The following NUDT14 variants were observed in gnomAD, a reference collection of about 807,000 sequenced individuals.
The protein encoded by NUDT14 is nudix hydrolase 14.
In NUDT14, 22 loss-of-function variants were observed where a neutral mutation model predicts 17.5. That is an observed-to-expected ratio of 1.26 (90% CI 0.90 to 1.80). The LOEUF is 1.80. Ranked by LOEUF, NUDT14 falls within the 40% of genes most tolerant of loss-of-function variation. The pLI, the probability that NUDT14 is intolerant of heterozygous loss-of-function variation, is 0.00. For synonymous variants in NUDT14, 129 were observed against 125.8 expected (o/e 1.03, Z -0.17); for missense variants, 296 against 295.6 (o/e 1.00, Z -0.01).
chr14:105,179,986 G>GA (rs1889292719), intron 1 of NUDT14, among the ~76,000 whole-genome samples: 1 of 152,336 alleles, frequency 6.6e-6, no homozygotes, highest in East Asian at 1.9e-4. Flanking sequence ...AGGCTGGGGG[G>GA]CTGGACTGAC....
rs373807400 is a variant in NUDT14 at position 105,173,848 on chromosome 14, C to T, written c.429-587G>A. On this transcript the variant is annotated intron_variant, in intron 4 of 4. Transcript: ENST00000392568. This position sits in a 1 kb window ranked among gnomAD's most constrained non-coding sequence, Gnocchi z 4.7. ...CCCCACCCCTGTCTGCAGCCCCCAA[C>T]CAGATACCCTGAGGCTGTTCCCAGT... is the stretch of plus-strand genomic sequence containing the variant. 1.3e-5 allele frequency among the ~76,000 whole-genome samples: 2 copies of T among 151,842 alleles called. No individual in the cohort carries two copies. Among genetic ancestry groups the T allele is most frequent in the East Asian group, 3.9e-4 (2 of 5,084 alleles).
chr14:105,173,404 C>T lies in NUDT14; in HGVS notation c.429-143G>A. The T allele has an allele frequency of 1.0e-6, 1 of 968,610 alleles. No individual in the cohort carries two copies. The highest frequency in any genetic ancestry group is 1.4e-6 in the Non-Finnish European group (1 of 722,142). The allele number at this position is 968,610 out of a possible 1,614,324, so 60.0% of individuals were successfully genotyped here. Reference sequence around the variant, plus strand: ...AGGACTCTGGGATGCCCTCTCCCACCCGGATTCCCACCTGGTGTGCACGCC... The same window carrying T: ...AGGACTCTGGGATGCCCTCTCCCACTCGGATTCCCACCTGGTGTGCACGCC... On this transcript the variant is annotated intron_variant, in intron 4 of 4. Transcript: ENST00000392568. The surrounding 1 kb of genome is among the most constrained non-coding windows in gnomAD (Gnocchi z 4.7).
chr14:105,180,856 G>T (rs1242121969), intron 1 of NUDT14, among the ~76,000 whole-genome samples: 1 of 152,184 alleles, frequency 6.6e-6, no homozygotes, highest in Non-Finnish European at 1.5e-5. Context: ...GTCGGATTGG[G>T]CGGGCGGGAA....
chr14:105,179,165 C>A (rs770885731), intron 1 of NUDT14, among the ~76,000 whole-genome samples: 7 of 152,174 alleles, frequency 4.6e-5, no homozygotes, highest in Non-Finnish European at 5.9e-5. Flanking sequence ...CGTGTCAGAC[C>A]CTTAGGTCCA....
chr14:105,181,098 G>C lies in NUDT14; in HGVS notation c.81+31C>G. On this transcript the variant is annotated intron_variant, in intron 1 of 4. Transcript: ENST00000392568. The surrounding 1 kb of genome is among the most constrained non-coding windows in gnomAD (Gnocchi z 5.0). Reference sequence around the variant, plus strand: ...GGGTCGTGGGCCGGGCCGCCGGCGGGGGCGCGGGGGACGCGGGGGCGCGGG... The same window carrying C: ...GGGTCGTGGGCCGGGCCGCCGGCGGCGGCGCGGGGGACGCGGGGGCGCGGG... The C allele has an allele frequency of 1.2e-6, 1 of 836,056 alleles. No individual in the cohort carries two copies. The highest frequency in any genetic ancestry group is 1.5e-6 in the Non-Finnish European group (1 of 679,228). 51.8% of individuals were successfully genotyped at this position (836,056 alleles called of 1,614,324 possible).
intron 4 of NUDT14, 38 bp downstream of exon 4, chr14:105,176,496 G>A: frequency 6.6e-7 from 1 of 1,515,348 alleles, no homozygotes; most frequent in Non-Finnish European, 9.2e-7. Flanking sequence ...CCCATCTCCT[G>A]AGTCACACCA....
intron 2 of NUDT14, 34 bp downstream of exon 2, chr14:105,177,658 C>A (rs1226163709): frequency 6.2e-7 from 1 of 1,607,068 alleles, no homozygotes; most frequent in African/African-American, 1.3e-5. Context: ...CAGTCTGGGG[C>A]TTCCCCAGTG....
chr14:105,177,374 C>G (rs910430693), intron 2 of NUDT14: 1 of 547,420 alleles, frequency 1.8e-6, no homozygotes, highest in African/African-American at 1.9e-5. Context: ...CAGCCACACT[C>G]CTCGAGCCAC....
chr14:105,178,248 C>T (rs1889258474), intron 1 of NUDT14, among the ~76,000 whole-genome samples: 1 of 152,030 alleles, frequency 6.6e-6, no homozygotes, highest in African/African-American at 2.4e-5. Flanking sequence ...GCAGGAGGGG[C>T]TGGCACCAGG....
chr14:105,176,707 C>A lies in NUDT14; in HGVS notation c.255G>T (p.Gly85=), dbSNP rs757778762. 9 of 1,612,768 alleles carry A rather than the reference C, an allele frequency of 5.6e-6. 1 individual carries two copies. The African/African-American group carries it at 1.1e-4, about 19-fold the overall frequency. The change falls in exon 4 of 5, where the codon GGG becomes GGT. Residue 85 remains glycine, a synonymous_variant. Coordinates refer to ENST00000392568, the MANE Select transcript of NUDT14 (RefSeq NM_177533.5). ...PGSLAAVDQD[G]PRELQPALPG... is the part of the protein sequence containing the mutation. The stretch of plus-strand genomic sequence containing the variant: ...GCAGGGCTGGCTGTAGCTCCCGAGG[C>A]CCGTCCTGGTCTACAGCTGCTAGGG...
rs1889145674 is a variant in NUDT14 at position 105,173,368 on chromosome 14, C to G, written c.429-107G>C. 1 of 1,273,478 alleles carries G rather than the reference C, an allele frequency of 7.9e-7. No individual in the cohort carries two copies. Among genetic ancestry groups the G allele is most frequent in the Admixed American group, 3.6e-5 (1 of 27,732 alleles). The allele number at this position is 1,273,478 out of a possible 1,614,324, so 78.9% of individuals were successfully genotyped here. On this transcript the variant is annotated intron_variant, in intron 4 of 4. Transcript: ENST00000392568. The surrounding 1 kb of genome is among the most constrained non-coding windows in gnomAD (Gnocchi z 4.7). ...CCTCTCCACTCTGCTCCCTCCAGCCCTCCAGTAGGCAGGACTCTGGGATGC... is the reference window on the plus strand; with the variant it reads ...CCTCTCCACTCTGCTCCCTCCAGCCGTCCAGTAGGCAGGACTCTGGGATGC...
chr14:105,173,306 GCTGGCCCC>G lies in NUDT14; in HGVS notation c.429-53_429-46del. 1 of 1,457,384 alleles carries G rather than the reference GCTGGCCCC, an allele frequency of 6.9e-7. No individual in the cohort carries two copies. Among genetic ancestry groups the G allele is most frequent in the Non-Finnish European group, 9.1e-7 (1 of 1,104,644 alleles). The allele number at this position is 1,457,384 out of a possible 1,614,324, so 90.3% of individuals were successfully genotyped here. A position where few individuals can be genotyped will look rare whatever the true frequency, so the allele number is the denominator to read the frequency against. On this transcript the variant is annotated intron_variant, in intron 4 of 4. Transcript: ENST00000392568. The surrounding 1 kb of genome is among the most constrained non-coding windows in gnomAD (Gnocchi z 4.7). ...CTGCTGAGTCACCCACGCTGGCCCC[GCTGGCCCC>G]CTGGCCCTTCTACCACCCTCCAACC...
intron 4 of NUDT14, chr14:105,176,095 C>G (rs1298674922): frequency 5.4e-6 from 5 of 930,790 alleles, no homozygotes; most frequent in Non-Finnish European, 7.1e-6. Context: ...TTTGGTGGGT[C>G]AGGTCCCAAA....
chr14:105,177,089 T>C (rs1889231969), intron 2 of NUDT14, 62 bp from the exon 3 acceptor site: 3 of 1,502,486 alleles, frequency 2.0e-6, no homozygotes, highest in Non-Finnish European at 2.7e-6. Flanking sequence ...GGGCCCCACC[T>C]CCCATCTTTC....
chr14:105,175,639 A>C, intron 4 of NUDT14: 1 of 836,558 alleles, frequency 1.2e-6, no homozygotes, highest in Non-Finnish European at 1.4e-6. Flanking sequence ...ACCTCAGGTG[A>C]TCCGCCTGCC....
In NUDT14 at chr14:105,173,821, G is replaced by A. The variant is rs1213848243; in HGVS notation, c.429-560C>T. Reference sequence around the variant, plus strand: ...TGCAACCTGTCAAGGCCAAGCAGAAGACCCCACCCCTGTCTGCAGCCCCCA... The same window carrying A: ...TGCAACCTGTCAAGGCCAAGCAGAAAACCCCACCCCTGTCTGCAGCCCCCA... On this transcript the variant is annotated intron_variant, in intron 4 of 4. Transcript: ENST00000392568. This position sits in a 1 kb window ranked among gnomAD's most constrained non-coding sequence, Gnocchi z 4.7. The A allele has an allele frequency of 6.6e-5, 10 of 151,552 alleles. No homozygotes were observed. Among genetic ancestry groups the A allele is most frequent in the African/African-American group, 2.4e-4 (10 of 41,194 alleles). The allele number at this position is 151,552 out of a possible 1,614,324, so 9.4% of individuals were successfully genotyped here.
chr14:105,176,932 C>T (rs748343660), intron 3 of NUDT14, 31 bp downstream of exon 3: 9 of 1,601,210 alleles, frequency 5.6e-6, no homozygotes, highest in African/African-American at 1.3e-5. Flanking sequence ...GGTGACCCTG[C>T]AGATCCCCTT....
chr14:105,177,265 G>T (rs1337329254), intron 2 of NUDT14: 2 of 643,816 alleles, frequency 3.1e-6, no homozygotes, highest in Admixed American at 4.5e-5. Flanking sequence ...GGAGGCGGGG[G>T]GCAGGGAAGG....
intron 1 of NUDT14, among the ~76,000 whole-genome samples, chr14:105,179,344 C>T (rs928599001): frequency 2.6e-5 from 4 of 152,206 alleles, no homozygotes; most frequent in African/African-American, 9.7e-5. Context: ...AAGCTGAGGG[C>T]TGCAGCTGCC....
Sources: gnomAD v4.1 joint callset for allele counts (sites outside exome capture counted in the v4.1 genomes callset) on GRCh38, gnomAD v4.1.1 for gene constraint, Gnocchi (gnomAD v3.1) non-coding constraint, MANE v1.5 for transcripts, NCBI Gene and HGNC (gene_info 2026-07-23, HGNC 2026-07-21) for gene names.